TMEM135: variants seen among roughly 807,000 people sequenced by gnomAD.
TMEM135 encodes transmembrane protein 135.
A neutral mutation model predicts 60.3 loss-of-function variants in TMEM135; 30 were observed. The observed-to-expected ratio is 0.50, with a 90% CI of 0.37 to 0.68. TMEM135 has a LOEUF of 0.68. TMEM135 is among the 30% of genes least tolerant of loss of function. The probability of loss-of-function intolerance (pLI) is 0.00; values close to 1 mark genes in which losing one functional copy is unlikely to be tolerated. For missense variants in TMEM135, 468 were observed against 548.8 expected, an observed-to-expected ratio of 0.85 and a Z score of 1.47; for synonymous variants, 190 against 186.7, an observed-to-expected ratio of 1.02 and a Z score of -0.14.
intron 5 of TMEM135, among the ~76,000 whole-genome samples, chr11:87,170,695 G>C (rs941916460): frequency 6.6e-5 from 10 of 152,264 alleles, no homozygotes; most frequent in African/African-American, 2.2e-4. Flanking sequence ...TCAGATGCCA[G>C]CTGGAGGTCT....
At chr11:87,182,888 A>C (rs1486746544) in intron 5 of TMEM135, among the ~76,000 whole-genome samples, 5 of 152,116 alleles carry the variant, frequency 3.3e-5, no homozygotes, top group African/African-American at 9.6e-5. Context: ...ACTTTTATAT[A>C]GAATATAACT....
chr11:87,045,145 T>C (rs1454195108), intron 1 of TMEM135, among the ~76,000 whole-genome samples: 1 of 152,018 alleles, frequency 6.6e-6, no homozygotes, highest in African/African-American at 2.4e-5. Context: ...TTCTCCTGCC[T>C]CAGCCTCTCG....
intron 6 of TMEM135, among the ~76,000 whole-genome samples, chr11:87,268,838 G>C (rs1262839801): frequency 1.3e-5 from 2 of 152,074 alleles, no homozygotes; most frequent in Non-Finnish European, 2.9e-5. Flanking sequence ...GATTTCAGCT[G>C]TTTGAGGTTT....
At chr11:87,227,700 A>G (rs1940794986) in intron 5 of TMEM135, among the ~76,000 whole-genome samples, 1 of 152,158 alleles carries the variant, frequency 6.6e-6, no homozygotes. Context: ...TATGATAATG[A>G]TATGTTGCAT....
At chr11:87,101,029 A>G (rs1396658859) in intron 4 of TMEM135, among the ~76,000 whole-genome samples, 1 of 152,232 alleles carries the variant, frequency 6.6e-6, no homozygotes, top group Non-Finnish European at 1.5e-5. Context: ...TTCTTGTTAC[A>G]TGTTAGTTAG....
In TMEM135 at chr11:87,313,429, C is replaced by T. The variant is rs770942427; in HGVS notation, c.941C>T (p.Thr314Ile). ...TTGTATTTTCTCCTTAACTAGGGTA[C>T]TAGTTGCTTCCTGCGCTGGATCAGA... ...LGSFVSIYKG[T>I]SCFLRWIRNL... is the part of the protein sequence containing the mutation. Residue 314 changes from threonine to isoleucine, a missense_variant, in exon 11 of 15, where the codon ACT becomes ATT. Transcript: ENST00000305494. 1.2e-6 allele frequency: 2 copies of T among 1,610,218 alleles called. No individual in the cohort carries two copies. The highest frequency in any genetic ancestry group is 2.2e-5 in the East Asian group (1 of 44,730).
rs1385409901 is a variant in TMEM135 at position 87,163,808 on chromosome 11, A to G, written c.462+6402A>G. The stretch of plus-strand genomic sequence containing the variant: ...GGCCAGTGATGATGAGCATTTTTTC[A>G]TGTGTTTTTTGCCTGCATAAATGTC... On this transcript the variant is annotated intron_variant, in intron 5 of 14. Transcript: ENST00000305494. Among the ~76,000 whole-genome samples the G allele has an allele frequency of 3.6e-5, 5 of 138,928 alleles. No individual in the cohort carries two copies. In the Admixed American group the frequency reaches 3.6e-4, roughly 10 times the overall value. 91.1% of individuals were successfully genotyped at this position (138,928 alleles called of 152,430 possible).
intron 6 of TMEM135, among the ~76,000 whole-genome samples, chr11:87,255,001 T>C (rs1377618120): frequency 6.6e-6 from 1 of 152,076 alleles, no homozygotes; most frequent in African/African-American, 2.4e-5. Context: ...CAAAACTAAA[T>C]AGGTTAATAC....
chr11:87,273,512 A>G (rs985960046), intron 6 of TMEM135, among the ~76,000 whole-genome samples: 4 of 152,196 alleles, frequency 2.6e-5, no homozygotes, highest in Non-Finnish European at 5.9e-5. Context: ...GAAAAATAGA[A>G]GAAACATATT....
chr11:87,205,848 A>T (rs184382805), intron 5 of TMEM135, among the ~76,000 whole-genome samples: 1 of 152,218 alleles, frequency 6.6e-6, no homozygotes, highest in Non-Finnish European at 1.5e-5. Context: ...CCAACATGCT[A>T]CTGGTCAGAG....
intron 4 of TMEM135, among the ~76,000 whole-genome samples, chr11:87,154,543 A>G (rs1938641204): frequency 6.6e-6 from 1 of 152,186 alleles, no homozygotes; most frequent in Non-Finnish European, 1.5e-5. Flanking sequence ...ATTTTAAAGT[A>G]ACTGCCTTAC....
chr11:87,196,034 G>A (rs1418527550), intron 5 of TMEM135, among the ~76,000 whole-genome samples: 2 of 151,904 alleles, frequency 1.3e-5, no homozygotes, highest in Non-Finnish European at 2.9e-5. Flanking sequence ...GTATCTGTGC[G>A]AGACTATTTT....
intron 6 of TMEM135, among the ~76,000 whole-genome samples, chr11:87,247,976 C>G (rs1941325937): frequency 6.6e-6 from 1 of 150,426 alleles, no homozygotes; most frequent in Non-Finnish European, 1.5e-5. Context: ...TAGACTGGAG[C>G]TGTTCCTATT....
At chr11:87,111,544 G>C (rs1857747355) in intron 4 of TMEM135, among the ~76,000 whole-genome samples, 1 of 151,410 alleles carries the variant, frequency 6.6e-6, no homozygotes, top group South Asian at 2.1e-4. Flanking sequence ...CCAGCTACTC[G>C]GGAGGCTGAG....
chr11:87,138,504 A>G (rs1252803223), intron 4 of TMEM135, among the ~76,000 whole-genome samples: 1 of 152,186 alleles, frequency 6.6e-6, no homozygotes, highest in Non-Finnish European at 1.5e-5. Flanking sequence ...ACATACCCCA[A>G]TATAATCAGT....
chr11:87,304,187 A>G (rs1325126600), intron 8 of TMEM135, among the ~76,000 whole-genome samples: 1 of 152,186 alleles, frequency 6.6e-6, no homozygotes, highest in African/African-American at 2.4e-5. Flanking sequence ...CCTAGGCAAC[A>G]TAGCAAGACC....
rs771099677 is a variant in TMEM135 at position 87,188,419 on chromosome 11, G to A, written c.462+31013G>A. On this transcript the variant is annotated intron_variant, in intron 5 of 14. Coordinates refer to ENST00000305494, the MANE Select transcript of TMEM135 (RefSeq NM_022918.4). ...TGGGTAGCTAAAAAATAATAGAAGC[G>A]GCCTGGGCGTGGTAGCTCATGCCTG... Among the ~76,000 whole-genome samples, 10 of 151,866 alleles carry A rather than the reference G, an allele frequency of 6.6e-5. No homozygotes were observed. In the South Asian group the frequency reaches 8.3e-4, roughly 13 times the overall value.
At chr11:87,082,457 C>G (rs1449948819) in intron 3 of TMEM135, among the ~76,000 whole-genome samples, 1 of 151,892 alleles carries the variant, frequency 6.6e-6, no homozygotes, top group Non-Finnish European at 1.5e-5. Context: ...TATTGTAGTT[C>G]TTGTTTGGTA....
At chr11:87,084,283 T>C (rs1364360704) in intron 3 of TMEM135, among the ~76,000 whole-genome samples, 1 of 151,578 alleles carries the variant, frequency 6.6e-6, no homozygotes, top group African/African-American at 2.4e-5. Flanking sequence ...ATGATGATAC[T>C]CTGACTACAC....
Sources: gnomAD v4.1 joint callset for allele counts (sites outside exome capture counted in the v4.1 genomes callset) on GRCh38, gnomAD v4.1.1 for gene constraint, MANE v1.5 for transcripts, NCBI Gene and HGNC (gene_info 2026-07-23, HGNC 2026-07-21) for gene names.